PCDHA12: variants seen among roughly 807,000 people sequenced by gnomAD.
PCDHA12 encodes the protein protocadherin alpha 12.
PCDHA12 carries 44 observed loss-of-function variants against 60.0 expected under a neutral mutation model. The observed-to-expected ratio is 0.73, with a 90% CI of 0.58 to 0.94. The LOEUF is 0.94. Among genes scored for constraint, PCDHA12 ranks in the 40% least tolerant of loss-of-function variants. The probability of loss-of-function intolerance (pLI) is 0.00; values close to 1 mark genes in which losing one functional copy is unlikely to be tolerated. For missense variants in PCDHA12, 1,276 were observed against 1,239.7 expected (o/e 1.03, Z -0.44); for synonymous variants, 569 against 553.0 (o/e 1.03, Z -0.40).
chr5:140,899,909 G>A (rs1401600020), intron 1 of PCDHA12, among the ~76,000 whole-genome samples: 1 of 152,134 alleles, frequency 6.6e-6, no homozygotes, highest in Non-Finnish European at 1.5e-5. Flanking sequence ...CTGGGCTCAA[G>A]CAATCCTCCT....
intron 3 of PCDHA12, among the ~76,000 whole-genome samples, chr5:141,009,094 C>T (rs1350235475): frequency 6.6e-6 from 1 of 152,176 alleles, no homozygotes; most frequent in Non-Finnish European, 1.5e-5. Flanking sequence ...AAGAACCAAA[C>T]ATATGTTACT....
intron 1 of PCDHA12, chr5:140,883,793 T>C (rs782783912): frequency 6.2e-7 from 1 of 1,612,328 alleles, no homozygotes; most frequent in South Asian, 1.1e-5. Flanking sequence ...GAGCTACGTG[T>C]CGGTGCACGC....
chr5:140,940,610 G>A (rs1394761541), intron 1 of PCDHA12, among the ~76,000 whole-genome samples: 1 of 151,836 alleles, frequency 6.6e-6, no homozygotes, highest in Non-Finnish European at 1.5e-5. Context: ...GCTGCTCCTG[G>A]CTCCTGCAAA....
chr5:140,919,231 C>T (rs984376374), intron 1 of PCDHA12, among the ~76,000 whole-genome samples: 1 of 152,160 alleles, frequency 6.6e-6, no homozygotes, highest in Admixed American at 6.6e-5. Context: ...TCTAGTAACA[C>T]TTTTTGTCTT....
In PCDHA12 at chr5:140,927,251, A is replaced by G. The variant is rs782356440; in HGVS notation, c.2367+49412A>G. The G allele has an allele frequency of 7.4e-6, 12 of 1,613,434 alleles. No homozygotes were observed. The Admixed American group carries it at 1.2e-4, about 16-fold the overall frequency. On this transcript the variant is annotated intron_variant, in intron 1 of 3. Transcript: ENST00000398631. The stretch of plus-strand genomic sequence containing the variant: ...ATTCACGTCCTGGACACCAATGACA[A>G]CTCACCTCTCTTTCCTGCCGGCGAC...
chr5:140,967,340 C>G, intron 1 of PCDHA12: 1 of 1,607,862 alleles, frequency 6.2e-7, no homozygotes. Flanking sequence ...CCCCAGCGAG[C>G]ACTTCGAGCT....
rs569740487 is a variant in PCDHA12, at chr5:140,970,470, G to A, written c.2368-8479G>A. On this transcript the variant is annotated intron_variant, in intron 1 of 3. Transcript: ENST00000398631. Reference sequence around the variant, plus strand: ...AGTTTTGAGATTTAAGTAGGTATAAGGCCAGCTTGTTCATTATTATGAAGA... The same window carrying A: ...AGTTTTGAGATTTAAGTAGGTATAAAGCCAGCTTGTTCATTATTATGAAGA... Among the ~76,000 whole-genome samples the A allele has an allele frequency of 2.6e-5, 4 of 152,238 alleles. No homozygotes were observed. In the South Asian group the frequency reaches 8.3e-4, roughly 32 times the overall value.
intron 1 of PCDHA12, chr5:140,928,695 C>T (rs782305388): frequency 9.3e-6 from 15 of 1,614,058 alleles, no homozygotes; most frequent in Non-Finnish European, 1.3e-5. Context: ...ACCACATCTC[C>T]CGGGCGTCTG....
Position 140,940,419 on chromosome 5 carries a change from A to G in PCDHA12, c.2368-38530A>G, listed in dbSNP as rs890018340. Among the ~76,000 whole-genome samples, 3 of 152,002 alleles carry G rather than the reference A, an allele frequency of 2.0e-5. No homozygotes were observed. The East Asian group carries it at 5.8e-4, about 29-fold the overall frequency. ...GTTTTTCATTTTAAAAATTATAATT[A>G]TTACTGATCAAGTCTGCCATGATAT... On this transcript the variant is annotated intron_variant, in intron 1 of 3. Transcript: ENST00000398631.
At chr5:140,954,299 C>T (rs964431670) in intron 1 of PCDHA12, among the ~76,000 whole-genome samples, 2 of 152,166 alleles carry the variant, frequency 1.3e-5, no homozygotes, top group Non-Finnish European at 2.9e-5. Context: ...GGTACATACC[C>T]AGTAATGGGA....
intron 1 of PCDHA12, among the ~76,000 whole-genome samples, chr5:140,971,432 A>G (rs1446143040): frequency 6.6e-6 from 1 of 152,226 alleles, no homozygotes; most frequent in African/African-American, 2.4e-5. Context: ...AAGAACCCCA[A>G]GATCTACAGC....
intron 1 of PCDHA12, among the ~76,000 whole-genome samples, chr5:140,899,434 A>G (rs1583342387): frequency 6.6e-6 from 1 of 152,206 alleles, no homozygotes; most frequent in East Asian, 1.9e-4. Flanking sequence ...TCTTTTCTGC[A>G]TCTATTGAGA....
At chr5:140,999,933 A>T (rs1554257043) in intron 3 of PCDHA12, among the ~76,000 whole-genome samples, 1 of 152,124 alleles carries the variant, frequency 6.6e-6, no homozygotes, top group African/African-American at 2.4e-5. Context: ...AGCTCAACTC[A>T]TTCCACCCAA....
intron 2 of PCDHA12, among the ~76,000 whole-genome samples, chr5:140,980,840 A>G (rs1248070793): frequency 1.3e-5 from 2 of 152,200 alleles, no homozygotes; most frequent in African/African-American, 4.8e-5. Context: ...GAACCTAAAT[A>G]ATACTAATCT....
intron 3 of PCDHA12, among the ~76,000 whole-genome samples, chr5:141,001,278 C>A (rs182360019): frequency 6.6e-6 from 1 of 152,050 alleles, no homozygotes; most frequent in Non-Finnish European, 1.5e-5. Flanking sequence ...ACTTTTTTTA[C>A]GGATGAAAAC....
chr5:140,926,181 C>T (rs1298109352), intron 1 of PCDHA12, among the ~76,000 whole-genome samples: 7 of 151,718 alleles, frequency 4.6e-5, no homozygotes, highest in Admixed American at 2.6e-4. Context: ...GCGGAAAGCC[C>T]CCCGCAGCAC....
In PCDHA12 at chr5:141,009,880, C is replaced by G; in HGVS notation, c.2769C>G (p.Asn923Lys). The G allele has an allele frequency of 6.2e-7, 1 of 1,613,788 alleles. No individual in the cohort carries two copies. The highest frequency in any genetic ancestry group is 1.1e-5 in the South Asian group (1 of 91,042). The change falls in exon 4 of 4, where the codon AAC (asparagine) becomes AAG (lysine). Residue 923 changes from asparagine to lysine, a missense_variant. By Grantham distance (94) the Asn-to-Lys change is moderately conservative. Transcript: ENST00000398631. ...TKKKKKKKKGNKTQEKKEKGN... is the reference protein window; with the variant it reads ...TKKKKKKKKGKKTQEKKEKGN... ...AAAAGAAGAAAAAGAAGAAGGGTAA[C>G]AAGACCCAGGAGAAAAAAGAGAAAG...
Position 140,877,738 on chromosome 5 carries a change from C to G in PCDHA12, c.2266C>G (p.Gln756Glu), listed in dbSNP as rs539793128. The G allele has an allele frequency of 6.2e-7, 1 of 1,614,164 alleles. No homozygotes were observed. Among genetic ancestry groups the G allele is most frequent in the African/African-American group, 1.3e-5 (1 of 75,062 alleles). The change falls in exon 1 of 4, where the codon CAG becomes GAG. Residue 756 changes from glutamine (Q) to glutamate (E), a missense_variant. Transcript: ENST00000398631. Reference sequence around the variant, plus strand: ...TTGGTCTTACTCGCAGCAGAGGAGGCAGAGGGTGTGCTCTGCAGAGAGCCC... The same window carrying G: ...TTGGTCTTACTCGCAGCAGAGGAGGGAGAGGGTGTGCTCTGCAGAGAGCCC... ...GSWSYSQQRR[Q>E]RVCSAESPPK...
intron 1 of PCDHA12, among the ~76,000 whole-genome samples, chr5:140,936,540 G>A (rs1320380132): frequency 6.6e-6 from 1 of 152,174 alleles, no homozygotes; most frequent in East Asian, 1.9e-4. Context: ...TGAATATAGT[G>A]CAATGTAGAA....
Sources: gnomAD v4.1 joint callset for allele counts (sites outside exome capture counted in the v4.1 genomes callset) on GRCh38, gnomAD v4.1.1 for gene constraint, MANE v1.5 for transcripts, NCBI Gene and HGNC (gene_info 2026-07-23, HGNC 2026-07-21) for gene names.